AGBL4: variants seen among roughly 807,000 people sequenced by gnomAD.
AGBL4 encodes cytosolic carboxypeptidase 6.
In AGBL4, 58 loss-of-function variants were observed where a neutral mutation model predicts 66.4. That is an observed-to-expected ratio of 0.87 (90% CI 0.71 to 1.09). AGBL4 has a LOEUF of 1.09. AGBL4 is among the 50% of genes least tolerant of loss of function. The pLI, the probability that AGBL4 is intolerant of heterozygous loss-of-function variation, is 0.00. For missense variants in AGBL4, 579 were observed against 631.0 expected, an observed-to-expected ratio of 0.92 and a Z score of 0.88; for synonymous variants, 234 against 222.9, an observed-to-expected ratio of 1.05 and a Z score of -0.44.
At chr1:49,917,703 G>A (rs1221722562) in intron 1 of AGBL4, among the ~76,000 whole-genome samples, 1 of 152,104 alleles carries the variant, frequency 6.6e-6, no homozygotes, top group Non-Finnish European at 1.5e-5. Context: ...AGGATACTCA[G>A]GAATTAAACT....
rs1644030909 is a variant in AGBL4, at chr1:48,539,627, T to G, written c.1364+15A>C. On this transcript the variant is annotated intron_variant, in intron 12 of 13. Transcript: ENST00000371839. ...AGCAGAACTCAAGCCGAAACCTCTC[T>G]GCTCTGCCACTTACCGCAGTCTCGG... 1 of 1,524,338 alleles carries G rather than the reference T, an allele frequency of 6.6e-7. No individual in the cohort carries two copies. Among genetic ancestry groups the G allele is most frequent in the East Asian group, 2.5e-5 (1 of 39,882 alleles). The allele number at this position is 1,524,338 out of a possible 1,614,324, so 94.4% of individuals were successfully genotyped here.
chr1:49,595,880 T>C (rs575001384), intron 3 of AGBL4, among the ~76,000 whole-genome samples: 23 of 152,236 alleles, frequency 1.5e-4, no homozygotes, highest in Admixed American at 7.2e-4. Flanking sequence ...ATCAAACGTT[T>C]TCCCAGAGCA....
At chr1:48,841,400 ACC>A (rs35019022) in intron 6 of AGBL4, among the ~76,000 whole-genome samples, 60,784 of 103,802 alleles carry the variant, frequency 0.59, 17,035 homozygotes, top group Non-Finnish European at 0.69. Context: ...TTACTACAAA[ACC>A]CCCCCCCCCC....
rs543521700 is a variant in AGBL4 at position 49,012,107 on chromosome 1, T to C, written c.594+33477A>G. On this transcript the variant is annotated intron_variant, in intron 5 of 13. Coordinates refer to ENST00000371839, the MANE Select transcript of AGBL4 (RefSeq NM_032785.4). Reference sequence around the variant, plus strand: ...CTCCAAGTATAAGGGAGGGCTACTGTACAATGGTGTGAAAAGCAGGCAGAT... The same window carrying C: ...CTCCAAGTATAAGGGAGGGCTACTGCACAATGGTGTGAAAAGCAGGCAGAT... Among the ~76,000 whole-genome samples the C allele has an allele frequency of 2.0e-5, 3 of 152,002 alleles. No homozygotes were observed. The East Asian group carries it at 5.8e-4, about 29-fold the overall frequency.
At chr1:49,225,984 C>A (rs1649882236) in intron 4 of AGBL4, among the ~76,000 whole-genome samples, 1 of 152,158 alleles carries the variant, frequency 6.6e-6, no homozygotes, top group African/African-American at 2.4e-5. Context: ...ATGTTATCTT[C>A]TTTTAATTCT....
intron 3 of AGBL4, among the ~76,000 whole-genome samples, chr1:49,629,809 C>T (rs903750925): frequency 1.3e-5 from 2 of 152,132 alleles, no homozygotes; most frequent in African/African-American, 4.8e-5. Flanking sequence ...CTCCAAGAAA[C>T]ATGGCCACCT....
rs188479341 is a variant in AGBL4, at chr1:49,548,287, G to A, written c.282+149026C>T. On this transcript the variant is annotated intron_variant, in intron 3 of 13. Transcript: ENST00000371839. ...ACTTCCTCTTTACTGATTTGGATGCGTTTTATTTCTTTCTCTTGTCTGATT... is the reference window on the plus strand; with the variant it reads ...ACTTCCTCTTTACTGATTTGGATGCATTTTATTTCTTTCTCTTGTCTGATT... Among the ~76,000 whole-genome samples, 18 of 152,220 alleles carry A rather than the reference G, an allele frequency of 1.2e-4. No individual in the cohort carries two copies. In the East Asian group the frequency reaches 3.5e-3, roughly 29 times the overall value.
chr1:49,601,569 C>G (rs926687052), intron 3 of AGBL4, among the ~76,000 whole-genome samples: 5 of 152,116 alleles, frequency 3.3e-5, no homozygotes, highest in African/African-American at 1.2e-4. Context: ...ACCATGTGAT[C>G]TGTGACAAAC....
intron 4 of AGBL4, among the ~76,000 whole-genome samples, chr1:49,225,436 C>A (rs537981249): frequency 2.3e-4 from 35 of 152,246 alleles, no homozygotes; most frequent in Admixed American, 2.2e-3. Flanking sequence ...CCAGTGATAG[C>A]CAGAACAAAA....
intron 9 of AGBL4, among the ~76,000 whole-genome samples, chr1:48,624,889 GGTGTGTGTGTGT>G (rs56678913): frequency 3.4e-5 from 5 of 147,744 alleles, no homozygotes; most frequent in African/African-American, 9.9e-5. Context: ...GTTAATTCCA[GGTGTGTGTGTGT>G]GTGTGTGTGT....
At chr1:49,267,906 G>A (rs528920097) in intron 3 of AGBL4, among the ~76,000 whole-genome samples, 7 of 152,038 alleles carry the variant, frequency 4.6e-5, no homozygotes, top group Non-Finnish European at 8.8e-5. Context: ...CAGCATGGGG[G>A]AAACCACCCC....
At chr1:49,076,176 C>T (rs1284160720) in intron 4 of AGBL4, among the ~76,000 whole-genome samples, 1 of 152,142 alleles carries the variant, frequency 6.6e-6, no homozygotes, top group Non-Finnish European at 1.5e-5. Context: ...TTGGTAATCA[C>T]TACAGTTATC....
intron 3 of AGBL4, among the ~76,000 whole-genome samples, chr1:49,260,789 T>A (rs1653067918): frequency 6.6e-6 from 1 of 151,940 alleles, no homozygotes; most frequent in Admixed American, 6.6e-5. Context: ...AAAGAGGGAA[T>A]CCTCCCTAAC....
At chr1:48,867,344 A>G (rs1456182334) in intron 5 of AGBL4, 114 bp from the exon 6 acceptor site, 3 of 1,041,236 alleles carry the variant, frequency 2.9e-6, no homozygotes, top group Non-Finnish European at 4.4e-6. Context: ...AGGGTAAATC[A>G]TACGGAATGT....
intron 2 of AGBL4, among the ~76,000 whole-genome samples, chr1:49,745,629 T>C (rs1328677143): frequency 6.6e-6 from 1 of 151,870 alleles, no homozygotes; most frequent in Admixed American, 6.6e-5. Context: ...AAAAAGGACA[T>C]TTATGATGTC....
intron 6 of AGBL4, among the ~76,000 whole-genome samples, chr1:48,725,210 T>C (rs1304835084): frequency 2.6e-5 from 4 of 152,210 alleles, no homozygotes; most frequent in African/African-American, 9.6e-5. Context: ...AATACTCTTA[T>C]CCTTTATTTT....
chr1:49,584,675 A>G (rs1003107909), intron 3 of AGBL4, among the ~76,000 whole-genome samples: 2 of 152,226 alleles, frequency 1.3e-5, no homozygotes, highest in Non-Finnish European at 2.9e-5. Context: ...AAACAATATT[A>G]TGAATATGAA....
At chr1:49,311,013 T>C (rs1327986489) in intron 3 of AGBL4, among the ~76,000 whole-genome samples, 2 of 152,080 alleles carry the variant, frequency 1.3e-5, no homozygotes, top group Non-Finnish European at 2.9e-5. Flanking sequence ...CCAAGGCTTC[T>C]CTAAGCCTCT....
chr1:49,659,230 TG>T (rs1397338475), intron 3 of AGBL4, among the ~76,000 whole-genome samples: 1 of 152,050 alleles, frequency 6.6e-6, no homozygotes, highest in Non-Finnish European at 1.5e-5. Flanking sequence ...CACAGACCAA[TG>T]ACATCATGAA....
Sources: gnomAD v4.1 joint callset for allele counts (sites outside exome capture counted in the v4.1 genomes callset) on GRCh38, gnomAD v4.1.1 for gene constraint, MANE v1.5 for transcripts, NCBI Gene and HGNC (gene_info 2026-07-23, HGNC 2026-07-21) for gene names.